The following BAZ1B variants were observed in gnomAD, a reference collection of about 807,000 sequenced individuals.
BAZ1B encodes tyrosine-protein kinase BAZ1B.
BAZ1B carries 22 observed loss-of-function variants against 153.8 expected under a neutral mutation model. The ratio of observed to expected loss-of-function variants is 0.14; its 90% CI spans 0.10 to 0.20. BAZ1B has a LOEUF of 0.20. Among genes scored for constraint, BAZ1B ranks in the 10% least tolerant of loss-of-function variants. The probability of loss-of-function intolerance (pLI) is 1.00; values close to 1 mark genes in which losing one functional copy is unlikely to be tolerated. For synonymous variants in BAZ1B, 676 were observed against 633.4 expected, an observed-to-expected ratio of 1.07 and a Z score of -1.01; for missense variants, 1,325 against 1,799.3, an observed-to-expected ratio of 0.74 and a Z score of 4.77.
At chr7:73,452,031 G>A (rs1788040381) in intron 13 of BAZ1B, among the ~76,000 whole-genome samples, 1 of 152,204 alleles carries the variant, frequency 6.6e-6, no homozygotes, top group Non-Finnish European at 1.5e-5. Flanking sequence ...ACAGTCATGG[G>A]CAGTCCTGCT....
At chr7:73,512,475 C>A (rs1051905660) in intron 1 of BAZ1B, among the ~76,000 whole-genome samples, 4 of 152,088 alleles carry the variant, frequency 2.6e-5, no homozygotes, top group Non-Finnish European at 5.9e-5. Flanking sequence ...TTTATCCAGT[C>A]TCTATGATGT....
At chr7:73,514,402 G>A (rs372023585) in intron 1 of BAZ1B, among the ~76,000 whole-genome samples, 10 of 152,138 alleles carry the variant, frequency 6.6e-5, no homozygotes, top group South Asian at 2.1e-4. Context: ...GCGTGGTGGC[G>A]TGCGGCTGTA....
At chr7:73,449,375 C>T (rs564096894) in intron 15 of BAZ1B, among the ~76,000 whole-genome samples, 167 bp downstream of exon 15, 1 of 152,292 alleles carries the variant, frequency 6.6e-6, no homozygotes, top group African/African-American at 2.4e-5. Context: ...CTAAAATTAG[C>T]TCAGAGTCCT....
rs1378031124 is a variant in BAZ1B, at chr7:73,450,074, G to A, written c.3581-385C>T. Among the ~76,000 whole-genome samples the A allele has an allele frequency of 4.6e-5, 7 of 151,284 alleles. 1 individual carries two copies. Among genetic ancestry groups the A allele is most frequent in the Non-Finnish European group, 1.0e-4 (7 of 67,866 alleles). Reference sequence around the variant, plus strand: ...TCTCTTTTTTTTTTTTGGAGACAGAGTCTTGCTCTGTCACCCAGGCTGGAG... The same window carrying A: ...TCTCTTTTTTTTTTTTGGAGACAGAATCTTGCTCTGTCACCCAGGCTGGAG... On this transcript the variant is annotated intron_variant, in intron 14 of 19. Transcript: ENST00000339594. This position sits in a 1 kb window ranked among gnomAD's most constrained non-coding sequence, Gnocchi z 4.1.
chr7:73,485,799 G>C (rs782722727), intron 6 of BAZ1B, among the ~76,000 whole-genome samples: 3 of 152,072 alleles, frequency 2.0e-5, no homozygotes, highest in Non-Finnish European at 2.9e-5. Context: ...AATTCATGCA[G>C]GATTCCAAAT....
Position 73,440,500 on chromosome 7 carries a change from A to G in BAZ1B, c.*1209T>C, listed in dbSNP as rs1731854795. The G allele has an allele frequency of 7.0e-6, 1 of 142,400 alleles. No homozygotes were observed. Among genetic ancestry groups the G allele is most frequent in the Non-Finnish European group, 1.5e-5 (1 of 64,772 alleles). The allele number at this position is 142,400 out of a possible 1,614,324, so 8.8% of individuals were successfully genotyped here. On this transcript the variant is annotated 3_prime_UTR_variant, in exon 20 of 20. Transcript: ENST00000339594. ...ATGGGGCCCTTCCTCTTTGAAGACA[A>G]TAAAAAAAAAAAACAACAACAAACA... is the stretch of plus-strand genomic sequence containing the variant.
In BAZ1B at chr7:73,470,363, G is replaced by A; in HGVS notation, c.2714C>T (p.Thr905Ile). The A allele has an allele frequency of 6.2e-7, 1 of 1,613,962 alleles. No individual in the cohort carries two copies. Among genetic ancestry groups the A allele is most frequent in the South Asian group, 1.1e-5 (1 of 91,068 alleles). Residue 905 changes from threonine (T) to isoleucine (I), a missense_variant, in exon 8 of 20, where the codon ACA becomes ATA. This residue lies in a region of BAZ1B where 431 missense variants were observed against 563.5 expected (regional missense o/e 0.76). Transcript: ENST00000339594. ...KLVMRRTPIG[T>I]DRNHNRYWLF... ...AACTGACCTATTATGGTTTCGATCTGTGCCAATAGGAGTCCTGCGCATGAC... is the reference window on the plus strand; with the variant it reads ...AACTGACCTATTATGGTTTCGATCTATGCCAATAGGAGTCCTGCGCATGAC...
chr7:73,443,020 T>G (rs1452867415), intron 17 of BAZ1B, among the ~76,000 whole-genome samples, 192 bp from the exon 18 acceptor site: 7 of 152,084 alleles, frequency 4.6e-5, no homozygotes, highest in Non-Finnish European at 7.4e-5. Context: ...TTCCCAGTAG[T>G]CCACTCACTC....
At chr7:73,504,079 C>T (rs145588492) in intron 3 of BAZ1B, among the ~76,000 whole-genome samples, 71 of 152,330 alleles carry the variant, frequency 4.7e-4, no homozygotes, top group Non-Finnish European at 8.2e-4. Flanking sequence ...GTATGAGGCA[C>T]TCAACCTTTC....
chr7:73,521,850 A>T lies in BAZ1B; in HGVS notation c.84T>A (p.Thr28=). Residue 28 remains threonine, a synonymous_variant, in exon 1 of 20, where the codon ACT becomes ACA. Coordinates refer to ENST00000339594, the MANE Select transcript of BAZ1B (RefSeq NM_032408.4). ...ACTCCCGGGTGCGGAAGGCCTCCTG[A>T]GTGTGCGGGATGGTGAAGAGCGGCT... ...GEEPLFTIPH[T]QEAFRTREEY... The T allele has an allele frequency of 6.6e-7, 1 of 1,508,938 alleles. No individual in the cohort carries two copies. The highest frequency in any genetic ancestry group is 2.8e-5 in the East Asian group (1 of 35,726). 93.5% of individuals were successfully genotyped at this position (1,508,938 alleles called of 1,614,324 possible). A position where few individuals can be genotyped will look rare whatever the true frequency, so the allele number is the denominator to read the frequency against.
chr7:73,452,823 G>C (rs1432616184), intron 13 of BAZ1B, among the ~76,000 whole-genome samples: 1 of 151,884 alleles, frequency 6.6e-6, no homozygotes, highest in Non-Finnish European at 1.5e-5. Context: ...AATACTGTAA[G>C]TCAAACAATG....
intron 19 of BAZ1B, chr7:73,441,959 A>C: frequency 1.9e-6 from 1 of 534,482 alleles, no homozygotes; most frequent in South Asian, 2.8e-5. Flanking sequence ...CTCCTCCTGG[A>C]AACTCTCAGA....
intron 17 of BAZ1B, among the ~76,000 whole-genome samples, chr7:73,443,716 A>C (rs1480053449): frequency 2.0e-5 from 3 of 152,178 alleles, no homozygotes; most frequent in African/African-American, 7.2e-5. Flanking sequence ...ACACATGGAT[A>C]CTATTTTTAA....
At chr7:73,455,754 G>A (rs1316814797) in intron 13 of BAZ1B, among the ~76,000 whole-genome samples, 3 of 152,186 alleles carry the variant, frequency 2.0e-5, no homozygotes, top group Non-Finnish European at 4.4e-5. Flanking sequence ...CTGCACTCCA[G>A]CATGGACAGT....
rs1788061819 is a variant in BAZ1B at position 73,452,674 on chromosome 7, A to AT, written c.3433-1681dup. The stretch of plus-strand genomic sequence containing the variant: ...GAGGCGGAGGCTGCAGTGAGCCGAG[A>AT]TTGCACCACTGCACTCCAGCCTGGG... On this transcript the variant is annotated intron_variant, in intron 13 of 19. Transcript: ENST00000339594. Among the ~76,000 whole-genome samples, 3 of 149,712 alleles carry AT rather than the reference A, an allele frequency of 2.0e-5. No individual in the cohort carries two copies. In the South Asian group the frequency reaches 6.4e-4, roughly 32 times the overall value.
At chr7:73,459,446 T>TA in intron 13 of BAZ1B, 90 bp downstream of exon 13, 1 of 1,332,730 alleles carries the variant, frequency 7.5e-7, no homozygotes, top group South Asian at 1.4e-5. Flanking sequence ...ACAGTGCCTA[T>TA]AGCAGCTAAA....
At chr7:73,478,700 C>T (rs1789087206) in intron 6 of BAZ1B, 131 bp from the exon 7 acceptor site, 1 of 753,118 alleles carries the variant, frequency 1.3e-6, no homozygotes, top group Non-Finnish European at 1.9e-6. Flanking sequence ...TTCATAGATA[C>T]TTTGTCCCTG....
chr7:73,502,514 T>C (rs1172765331), intron 3 of BAZ1B, among the ~76,000 whole-genome samples: 1 of 151,982 alleles, frequency 6.6e-6, no homozygotes, highest in Non-Finnish European at 1.5e-5. Flanking sequence ...GCAGGAGGAC[T>C]GCTTGAGCTC....
intron 11 of BAZ1B, chr7:73,464,164 T>C (rs1788493403): frequency 1.0e-6 from 1 of 984,848 alleles, no homozygotes; most frequent in African/African-American, 1.7e-5. Flanking sequence ...GAGTATGTAC[T>C]GAATCATATT....
Sources: gnomAD v4.1 joint callset for allele counts (sites outside exome capture counted in the v4.1 genomes callset) on GRCh38, gnomAD v4.1.1 for gene constraint, gnomAD v4.1.1 regional missense constraint, Gnocchi (gnomAD v3.1) non-coding constraint, MANE v1.5 for transcripts, NCBI Gene and HGNC (gene_info 2026-07-23, HGNC 2026-07-21) for gene names.